The following CFAP54 variants were observed in gnomAD, a reference collection of about 807,000 sequenced individuals.
CFAP54 encodes cilia- and flagella-associated protein 54.
A neutral mutation model predicts 370.4 loss-of-function variants in CFAP54; 290 were observed. The ratio of observed to expected loss-of-function variants is 0.78; its 90% CI spans 0.71 to 0.86. CFAP54 has a LOEUF of 0.86. Among genes scored for constraint, CFAP54 ranks in the 40% least tolerant of loss-of-function variants. CFAP54 has a pLI of 0.00. For synonymous variants in CFAP54, 1,206 were observed against 1,236.5 expected (o/e 0.98, Z 0.52); for missense variants, 3,399 against 3,528.7 (o/e 0.96, Z 0.93).
At position 96,691,143 on chromosome 12, in the gene CFAP54, A is replaced by G. The variant is rs1363077578; in HGVS notation, c.6097A>G (p.Thr2033Ala). Residue 2033 changes from threonine (T) to alanine (A), a missense_variant, in exon 44 of 68, where the codon ACA becomes GCA. Coordinates refer to ENST00000524981, the MANE Select transcript of CFAP54 (RefSeq NM_001306084.2). ...ALLFQGLLRT[T>A]LPHPKAERCY... ...TCATTTTCAGGGTTTGCTTAGAACA[A>G]CACTTCCACATCCCAAAGCTGAACG... 3 of 1,613,454 alleles carry G rather than the reference A, an allele frequency of 1.9e-6. No homozygotes were observed. The highest frequency in any genetic ancestry group is 2.2e-5 in the East Asian group (1 of 44,810).
chr12:96,736,631 A>G (rs1400800754), intron 50 of CFAP54, among the ~76,000 whole-genome samples: 1 of 152,250 alleles, frequency 6.6e-6, no homozygotes, highest in Non-Finnish European at 1.5e-5. Flanking sequence ...AATGGTCCAG[A>G]CATCTTTAAA....
Position 96,664,797 on chromosome 12 carries a change from A to ATG in CFAP54, c.5563+866_5563+867insGT, listed in dbSNP as rs1565934591. 1.9e-4 allele frequency among the ~76,000 whole-genome samples: 5 copies of ATG among 26,962 alleles called. No homozygotes were observed. In the South Asian group the frequency reaches 4.2e-3, roughly 23 times the overall value. The allele number at this position is 26,962 out of a possible 152,430, so 17.7% of individuals were successfully genotyped here. A position where few individuals can be genotyped will look rare whatever the true frequency, so the allele number is the denominator to read the frequency against. On this transcript the variant is annotated intron_variant, in intron 39 of 67. Coordinates refer to ENST00000524981, the MANE Select transcript of CFAP54 (RefSeq NM_001306084.2). ...TATATCTATATATATATATATATAT[A>ATG]TATATATATATATATAGATATATAT...
intron 67 of CFAP54, among the ~76,000 whole-genome samples, chr12:96,869,588 G>A (rs1384818276): frequency 2.0e-5 from 3 of 152,084 alleles, no homozygotes; most frequent in Non-Finnish European, 4.4e-5. Flanking sequence ...TAATTTCTCT[G>A]ACATGAAAAT....
intron 33 of CFAP54, chr12:96,645,738 G>T (rs559844419): frequency 1.3e-5 from 2 of 152,414 alleles, no homozygotes; most frequent in South Asian, 2.1e-4. Flanking sequence ...CATGGTACTG[G>T]TACCAAAACA....
At chr12:96,614,804 G>T (rs1012983932) in intron 26 of CFAP54, among the ~76,000 whole-genome samples, 58 of 152,104 alleles carry the variant, frequency 3.8e-4, no homozygotes, top group Non-Finnish European at 5.9e-4. Flanking sequence ...AACTTACAAG[G>T]GATGTGAAGG....
At chr12:96,504,915 G>T (rs1955075243) in intron 3 of CFAP54, among the ~76,000 whole-genome samples, 1 of 151,678 alleles carries the variant, frequency 6.6e-6, no homozygotes, top group Non-Finnish European at 1.5e-5. Context: ...TTCATATTTT[G>T]CCAGAATTTA....
At chr12:96,657,718 T>C (rs2136512745) in intron 36 of CFAP54, among the ~76,000 whole-genome samples, 164 bp from the exon 37 acceptor site, 1 of 152,360 alleles carries the variant, frequency 6.6e-6, no homozygotes, top group South Asian at 2.1e-4. Flanking sequence ...CTTTACTGGA[T>C]AATACTGCAT....
chr12:96,809,772 A>T (rs1395761672), intron 63 of CFAP54, among the ~76,000 whole-genome samples: 1 of 152,136 alleles, frequency 6.6e-6, no homozygotes, highest in African/African-American at 2.4e-5. Flanking sequence ...CAGTAGTTTC[A>T]CTGGAGGATG....
intron 7 of CFAP54, 40 bp downstream of exon 7, chr12:96,522,010 C>G: frequency 2.0e-6 from 3 of 1,523,462 alleles, no homozygotes; most frequent in Non-Finnish European, 2.6e-6. Flanking sequence ...TTACCACACT[C>G]TACAGCTGAT....
intron 55 of CFAP54, among the ~76,000 whole-genome samples, chr12:96,747,112 C>T (rs966739136): frequency 2.0e-5 from 3 of 152,124 alleles, no homozygotes; most frequent in East Asian, 1.9e-4. Flanking sequence ...TCTGATATCC[C>T]GGGCACCTAG....
At position 96,814,706 on chromosome 12, in the gene CFAP54, G is replaced by A. The variant is rs180967920; in HGVS notation, c.8957+2864G>A. Among the ~76,000 whole-genome samples, 75 of 152,178 alleles carry A rather than the reference G, an allele frequency of 4.9e-4. No individual in the cohort carries two copies. In the South Asian group the frequency reaches 1.0e-2, roughly 20 times the overall value. On this transcript the variant is annotated intron_variant, in intron 64 of 67. Coordinates refer to ENST00000524981, the MANE Select transcript of CFAP54 (RefSeq NM_001306084.2). Reference sequence around the variant, plus strand: ...TTGTCCTAATGCTCTCCTTCCCCTTGTCCCCAACCCACCAACAGGCCCTAG... The same window carrying A: ...TTGTCCTAATGCTCTCCTTCCCCTTATCCCCAACCCACCAACAGGCCCTAG...
At chr12:96,787,872 G>A (rs545767195) in intron 62 of CFAP54, among the ~76,000 whole-genome samples, 75 of 151,922 alleles carry the variant, frequency 4.9e-4, no homozygotes, top group African/African-American at 1.8e-3. Context: ...ACTCTCAATA[G>A]GGCTGATTGG....
intron 66 of CFAP54, among the ~76,000 whole-genome samples, chr12:96,832,761 A>G (rs958813500): frequency 6.6e-6 from 1 of 152,218 alleles, no homozygotes; most frequent in Admixed American, 6.5e-5. Context: ...AATTTGGATT[A>G]TTGTTGAATC....
intron 13 of CFAP54, among the ~76,000 whole-genome samples, chr12:96,540,568 A>G (rs757354227): frequency 3.3e-5 from 5 of 152,252 alleles, no homozygotes; most frequent in Non-Finnish European, 5.9e-5. Context: ...TAAATTTGCC[A>G]TAATGGCTAT....
rs149624067 is a variant in CFAP54, at chr12:96,565,852, A to G, written c.2619+1087A>G. Among the ~76,000 whole-genome samples the G allele has an allele frequency of 2.9e-3, 434 of 152,266 alleles. 3 individuals are homozygous for G. The highest frequency in any genetic ancestry group is 0.01 in the African/African-American group (417 of 41,558). On this transcript the variant is annotated intron_variant, in intron 19 of 67. Transcript: ENST00000524981. Reference sequence around the variant, plus strand: ...ATGCTTTGACTGTGTCCCTACCCAAATCTCATCTTAAATTGTAGTTCCCAT... The same window carrying G: ...ATGCTTTGACTGTGTCCCTACCCAAGTCTCATCTTAAATTGTAGTTCCCAT...
intron 1 of CFAP54, among the ~76,000 whole-genome samples, chr12:96,499,596 C>T (rs910749397): frequency 3.9e-5 from 6 of 152,062 alleles, no homozygotes; most frequent in Non-Finnish European, 8.8e-5. Context: ...TAACATTCAC[C>T]CCTTGTGCTC....
At chr12:96,677,512 G>A (rs994564162) in intron 39 of CFAP54, among the ~76,000 whole-genome samples, 1 of 152,182 alleles carries the variant, frequency 6.6e-6, no homozygotes, top group Non-Finnish European at 1.5e-5. Flanking sequence ...TGTTGTGGAT[G>A]AGGGTGGGGG....
chr12:96,738,857 A>T (rs371461795), intron 50 of CFAP54, among the ~76,000 whole-genome samples: 1 of 151,844 alleles, frequency 6.6e-6, no homozygotes, highest in Non-Finnish European at 1.5e-5. Context: ...TGATCTGCCT[A>T]CCTCAGCCTC....
chr12:96,706,791 T>G (rs1957552226), intron 47 of CFAP54, among the ~76,000 whole-genome samples: 1 of 150,040 alleles, frequency 6.7e-6, no homozygotes, highest in Non-Finnish European at 1.5e-5. Flanking sequence ...TGTGTGTATG[T>G]GTGTGTGTGT....
Sources: gnomAD v4.1 joint callset for allele counts (sites outside exome capture counted in the v4.1 genomes callset) on GRCh38, gnomAD v4.1.1 for gene constraint, MANE v1.5 for transcripts, NCBI Gene and HGNC (gene_info 2026-07-23, HGNC 2026-07-21) for gene names.